NRXN1: variants seen among roughly 807,000 people sequenced by gnomAD.
NRXN1 encodes the protein neurexin-1.
A neutral mutation model predicts 150.9 loss-of-function variants in NRXN1; 39 were observed. The ratio of observed to expected loss-of-function variants is 0.26; its 90% CI spans 0.20 to 0.34. The LOEUF (loss-of-function observed/expected upper bound fraction) is 0.34. Among genes scored for constraint, NRXN1 ranks in the 10% least tolerant of loss-of-function variants. NRXN1 has a pLI of 1.00. For synonymous variants in NRXN1, 924 were observed against 757.0 expected, an observed-to-expected ratio of 1.22 and a Z score of -3.62; for missense variants, 1,815 against 1,949.9, an observed-to-expected ratio of 0.93 and a Z score of 1.30.
At chr2:50,166,492 G>A (rs2059698206) in intron 18 of NRXN1, among the ~76,000 whole-genome samples, 2 of 152,068 alleles carry the variant, frequency 1.3e-5, no homozygotes, top group South Asian at 4.1e-4. Context: ...AAGATAAAGA[G>A]CCCAGTCAAC....
At chr2:49,941,048 G>A (rs374593757) in intron 22 of NRXN1, among the ~76,000 whole-genome samples, 33 of 152,060 alleles carry the variant, frequency 2.2e-4, no homozygotes, top group African/African-American at 7.5e-4. Flanking sequence ...TTTGTATTTT[G>A]GGTAACAGAC....
At chr2:50,973,997 TG>T (rs1695429314) in intron 2 of NRXN1, among the ~76,000 whole-genome samples, 4 of 119,810 alleles carry the variant, frequency 3.3e-5, no homozygotes, top group African/African-American at 1.2e-4. Flanking sequence ...ATACATCTGA[TG>T]TAAAAAAAAA....
intron 5 of NRXN1, among the ~76,000 whole-genome samples, chr2:50,709,875 C>T (rs1205611733): frequency 6.6e-6 from 1 of 152,150 alleles, no homozygotes; most frequent in African/African-American, 2.4e-5. Flanking sequence ...GATCACAAGG[C>T]TATCAAGAAT....
intron 5 of NRXN1, among the ~76,000 whole-genome samples, chr2:50,856,699 T>C (rs1256746381): frequency 2.6e-5 from 4 of 152,104 alleles, no homozygotes; most frequent in Admixed American, 2.0e-4. Flanking sequence ...CAGGCAAGTG[T>C]AATAACTTGA....
chr2:50,981,982 C>T (rs1696906350), intron 2 of NRXN1, among the ~76,000 whole-genome samples: 1 of 151,902 alleles, frequency 6.6e-6, no homozygotes, highest in Non-Finnish European at 1.5e-5. Context: ...AAGAGGAGCT[C>T]TGAAAATAAT....
intron 17 of NRXN1, among the ~76,000 whole-genome samples, chr2:50,395,950 T>C (rs2082025877): frequency 6.6e-6 from 1 of 152,198 alleles, no homozygotes; most frequent in Non-Finnish European, 1.5e-5. Flanking sequence ...TCCTCTGCTC[T>C]GTCGTTAGGG....
intron 5 of NRXN1, among the ~76,000 whole-genome samples, chr2:50,647,907 T>G (rs1313935226): frequency 6.6e-6 from 1 of 151,958 alleles, no homozygotes; most frequent in Admixed American, 6.6e-5. Context: ...CAAATTATAC[T>G]ATAAATTGTA....
chr2:50,192,700 A>G (rs2152824265), intron 18 of NRXN1, among the ~76,000 whole-genome samples: 1 of 152,162 alleles, frequency 6.6e-6, no homozygotes, highest in East Asian at 1.9e-4. Context: ...TCCTCCTCCC[A>G]GGTTCAAATG....
At chr2:50,959,463 G>A (rs1426469273) in intron 2 of NRXN1, among the ~76,000 whole-genome samples, 1 of 151,912 alleles carries the variant, frequency 6.6e-6, no homozygotes, top group Non-Finnish European at 1.5e-5. Flanking sequence ...TACAATATTA[G>A]GACATTATGC....
intron 4 of NRXN1, 149 bp downstream of exon 4, chr2:50,922,509 C>G (rs1359840309): frequency 2.5e-6 from 2 of 811,478 alleles, no homozygotes; most frequent in Non-Finnish European, 4.2e-6. Context: ...GGAAGAAAAA[C>G]ACATGAAAAA....
chr2:50,230,482 C>A (rs2064835177), intron 18 of NRXN1, among the ~76,000 whole-genome samples: 1 of 151,780 alleles, frequency 6.6e-6, no homozygotes, highest in South Asian at 2.1e-4. Flanking sequence ...GATCAAAGAA[C>A]CAGATTAGCA....
intron 19 of NRXN1, among the ~76,000 whole-genome samples, chr2:50,086,151 T>A (rs1698748097): frequency 6.6e-6 from 1 of 152,220 alleles, no homozygotes; most frequent in African/African-American, 2.4e-5. Flanking sequence ...TACATGATAC[T>A]TTGAAAAATT....
At chr2:50,562,558 T>G (rs1669260742) in intron 8 of NRXN1, among the ~76,000 whole-genome samples, 1 of 152,158 alleles carries the variant, frequency 6.6e-6, no homozygotes, top group Admixed American at 6.5e-5. Flanking sequence ...ATTACTTGAT[T>G]ATATTTATGT....
chr2:50,755,124 C>T (rs1701022163), intron 5 of NRXN1, among the ~76,000 whole-genome samples: 1 of 151,798 alleles, frequency 6.6e-6, no homozygotes, highest in Non-Finnish European at 1.5e-5. Context: ...TGGCTCCCCG[C>T]CAGAGCCTTC....
intron 2 of NRXN1, among the ~76,000 whole-genome samples, chr2:50,988,003 T>C (rs17041161): frequency 0.048 from 7,237 of 152,112 alleles, 326 homozygotes; most frequent in East Asian, 0.25. Context: ...AGAAAATCCA[T>C]AAGTCTAAAT....
chr2:50,896,395 T>C (rs1681959810), intron 5 of NRXN1, among the ~76,000 whole-genome samples: 1 of 152,182 alleles, frequency 6.6e-6, no homozygotes, highest in South Asian at 2.1e-4. Flanking sequence ...GTGGGGCTTA[T>C]ACTCTGCAGA....
At chr2:50,120,084 A>T (rs1703654034) in intron 18 of NRXN1, among the ~76,000 whole-genome samples, 1 of 152,186 alleles carries the variant, frequency 6.6e-6, no homozygotes, top group Non-Finnish European at 1.5e-5. Context: ...TCAAAAAGCC[A>T]ATAATAAAAA....
chr2:50,266,522 T>C (rs1276071872), intron 17 of NRXN1, among the ~76,000 whole-genome samples: 1 of 145,516 alleles, frequency 6.9e-6, no homozygotes, highest in Non-Finnish European at 1.5e-5. Flanking sequence ...AATATATTTA[T>C]ATATGTATAT....
At chr2:50,066,202 G>A (rs1695333854) in intron 19 of NRXN1, among the ~76,000 whole-genome samples, 2 of 152,144 alleles carry the variant, frequency 1.3e-5, no homozygotes, top group South Asian at 4.1e-4. Context: ...TATATAAGCA[G>A]TGCCCATGTA....
Sources: gnomAD v4.1 joint callset for allele counts (sites outside exome capture counted in the v4.1 genomes callset) on GRCh38, gnomAD v4.1.1 for gene constraint, MANE v1.5 for transcripts, NCBI Gene and HGNC (gene_info 2026-07-23, HGNC 2026-07-21) for gene names.